PLCE1: variants seen among roughly 807,000 people sequenced by gnomAD.
The protein encoded by PLCE1 is phospholipase C epsilon 1.
Under a neutral mutation model 242.8 loss-of-function variants are expected in PLCE1, and 119 were observed. The ratio of observed to expected loss-of-function variants is 0.49; its 90% confidence interval spans 0.42 to 0.57. The LOEUF is 0.57. Ranked by LOEUF, PLCE1 falls within the 20% of genes least tolerant of loss-of-function variation. The pLI is 0.00. For missense variants in PLCE1, 2,441 were observed against 2,788.8 expected (o/e 0.88, Z 2.81); for synonymous variants, 945 against 1,017.4 (o/e 0.93, Z 1.35).
rs187112223 is a variant in PLCE1 at position 94,031,855 on chromosome 10, G to A, written c.809G>A (p.Cys270Tyr). Residue 270 changes from cysteine (C) to tyrosine (Y), a missense_variant, in exon 2 of 33, where the codon TGT (cysteine) becomes TAT (tyrosine). By Grantham distance (194) the Cys-to-Tyr change is radical. Around this residue, in one of 5 missense-constraint regions of PLCE1, gnomAD observed 393 missense variants for 378.5 expected, o/e 1.04. Transcript: ENST00000371380. Reference protein sequence around the residue: ...NDKYFCFEGSCEKVDMVYSGD... With the variant: ...NDKYFCFEGSYEKVDMVYSGD... The stretch of plus-strand genomic sequence containing the variant: ...AAATACTTTTGCTTTGAAGGCTCTT[G>A]TGAGAAGGTTGACATGGTATATTCA... 3 of 1,613,896 alleles carry A rather than the reference G, an allele frequency of 1.9e-6. No homozygotes were observed. The highest frequency in any genetic ancestry group is 1.7e-5 in the Admixed American group (1 of 59,984).
rs773968163 is a variant in PLCE1 at position 94,324,875 on chromosome 10, G to GTTCT, written c.6721-14_6721-11dup. On this transcript the variant is annotated splice_polypyrimidine_tract_variant and intron_variant, in intron 31 of 32. Coordinates refer to ENST00000371380, the MANE Select transcript of PLCE1 (RefSeq NM_016341.4). ...GAGTTTAACCTAACACCAATGGAAGGTTCTTTGTTCCCACAGGCATCTCGA... is the reference window on the plus strand; with the variant it reads ...GAGTTTAACCTAACACCAATGGAAGGTTCTTTCTTTGTTCCCACAGGCATCTCGA... 2.5e-6 allele frequency: 4 copies of GTTCT among 1,613,044 alleles called. No individual in the cohort carries two copies. The highest frequency in any genetic ancestry group is 1.1e-5 in the South Asian group (1 of 91,050).
intron 5 of PLCE1, among the ~76,000 whole-genome samples, chr10:94,229,142 T>C (rs894032180): frequency 2.6e-5 from 4 of 151,432 alleles, no homozygotes; most frequent in African/African-American, 9.7e-5. Context: ...GATCATGCCA[T>C]TGCGCTCCAG....
intron 2 of PLCE1, among the ~76,000 whole-genome samples, chr10:94,126,636 G>T (rs967219708): frequency 6.6e-6 from 1 of 152,156 alleles, no homozygotes; most frequent in African/African-American, 2.4e-5. Flanking sequence ...TTTCAAAAAA[G>T]ATATTGGCCT....
chr10:94,247,607 G>A (rs1212378117), intron 8 of PLCE1, among the ~76,000 whole-genome samples: 5 of 152,128 alleles, frequency 3.3e-5, no homozygotes, highest in Non-Finnish European at 7.4e-5. Flanking sequence ...GAGGTGAGGG[G>A]TTAATTTCTT....
chr10:94,140,057 T>A (rs1032321734), intron 3 of PLCE1, among the ~76,000 whole-genome samples: 1 of 152,092 alleles, frequency 6.6e-6, no homozygotes, highest in Non-Finnish European at 1.5e-5. Flanking sequence ...TTTCTATTTT[T>A]AAAAATAATA....
chr10:94,160,647 T>G (rs2047581258), intron 3 of PLCE1, among the ~76,000 whole-genome samples: 1 of 152,178 alleles, frequency 6.6e-6, no homozygotes. Context: ...GTCAATTTTG[T>G]CTTTTATTGC....
At chr10:94,196,018 T>C (rs755995270) in intron 4 of PLCE1, among the ~76,000 whole-genome samples, 15 of 152,228 alleles carry the variant, frequency 9.9e-5, no homozygotes, top group Non-Finnish European at 2.9e-5. Context: ...ACATTGTTTA[T>C]ATGATCTACA....
intron 8 of PLCE1, among the ~76,000 whole-genome samples, chr10:94,251,478 A>G (rs1041345119): frequency 4.6e-5 from 7 of 152,236 alleles, no homozygotes; most frequent in African/African-American, 1.7e-4. Flanking sequence ...AACACAGTAC[A>G]TGGAAATTAA....
intron 4 of PLCE1, among the ~76,000 whole-genome samples, chr10:94,193,985 A>G (rs1173880965): frequency 6.6e-6 from 1 of 152,264 alleles, no homozygotes; most frequent in Non-Finnish European, 1.5e-5. Flanking sequence ...TACATTTTAC[A>G]GTGTGATTTC....
At chr10:94,046,904 C>CA (rs2061895975) in intron 2 of PLCE1, among the ~76,000 whole-genome samples, 1 of 152,178 alleles carries the variant, frequency 6.6e-6, no homozygotes, top group Non-Finnish European at 1.5e-5. Context: ...TGTTAACAAA[C>CA]ACGTTACAAA....
chr10:94,220,326 T>G (rs564803194), intron 4 of PLCE1, among the ~76,000 whole-genome samples: 1 of 139,992 alleles, frequency 7.1e-6, no homozygotes, highest in Non-Finnish European at 1.5e-5. Flanking sequence ...CTGGGCAACA[T>G]AGAGAGACTC....
At chr10:94,168,854 T>TC (rs1463683974) in intron 3 of PLCE1, among the ~76,000 whole-genome samples, 1 of 152,176 alleles carries the variant, frequency 6.6e-6, no homozygotes, top group African/African-American at 2.4e-5. Flanking sequence ...ACTGTACATA[T>TC]ATTATCAGTA....
intron 4 of PLCE1, among the ~76,000 whole-genome samples, chr10:94,186,416 A>C (rs1023279480): frequency 4.6e-5 from 7 of 152,230 alleles, no homozygotes; most frequent in Non-Finnish European, 1.0e-4. Context: ...ATAGTATTTT[A>C]TATTTAAGTC....
intron 24 of PLCE1, among the ~76,000 whole-genome samples, chr10:94,302,347 C>G (rs764526237): frequency 1.3e-5 from 2 of 152,126 alleles, no homozygotes; most frequent in African/African-American, 2.4e-5. Context: ...TGTAACAAAC[C>G]TGCACATCCT....
intron 30 of PLCE1, among the ~76,000 whole-genome samples, chr10:94,322,647 T>C (rs2053855888): frequency 6.6e-6 from 1 of 151,902 alleles, no homozygotes; most frequent in Non-Finnish European, 1.5e-5. Flanking sequence ...TAGCTGGGCG[T>C]GGTGGCAGGC....
intron 4 of PLCE1, among the ~76,000 whole-genome samples, chr10:94,204,972 A>T (rs2049111054): frequency 6.6e-6 from 1 of 152,184 alleles, no homozygotes; most frequent in Admixed American, 6.5e-5. Flanking sequence ...AGCTAAAGTA[A>T]TCCAGTTCAG....
Position 94,246,003 on chromosome 10 carries a change from A to G in PLCE1, c.2478A>G (p.Glu826=). ...ATGACATCTTTGAGCAATCCAAAGA[A>G]TACGACTCTCATGGTTCAGAGGACT... ...SDNDIFEQSK[E]YDSHGSEDSQ... is the part of the protein sequence containing the mutation. Residue 826 remains glutamate, a synonymous_variant, in exon 8 of 33, where the codon GAA becomes GAG. Coordinates refer to ENST00000371380, the MANE Select transcript of PLCE1 (RefSeq NM_016341.4). 6.2e-7 allele frequency: 1 copy of G among 1,614,138 alleles called. No individual in the cohort carries two copies. The highest frequency in any genetic ancestry group is 8.5e-7 in the Non-Finnish European group (1 of 1,179,988).
In PLCE1 at chr10:94,255,010, C is replaced by A; in HGVS notation, c.3515C>A (p.Ser1172Tyr). 1 of 1,614,168 alleles carries A rather than the reference C, an allele frequency of 6.2e-7. No individual in the cohort carries two copies. Among genetic ancestry groups the A allele is most frequent in the Non-Finnish European group, 8.5e-7 (1 of 1,180,012 alleles). Residue 1172 changes from serine to tyrosine, a missense_variant, in exon 11 of 33, where the codon TCC becomes TAC. Physicochemically the swap from Ser to Tyr is moderately radical, Grantham distance 144. Around this residue, in one of 5 missense-constraint regions of PLCE1, gnomAD observed 1,004 missense variants for 1,322.7 expected, o/e 0.76. Transcript: ENST00000371380. Reference sequence around the variant, plus strand: ...ACGTCATCTCCCATCAGGCCAGTGTCCTCCCCTGTGCTGTCTTCTTCAAAC... The same window carrying A: ...ACGTCATCTCCCATCAGGCCAGTGTACTCCCCTGTGCTGTCTTCTTCAAAC... Reference protein sequence around the residue: ...AGTSSPIRPVSSPVLSSSNKS... With the variant: ...AGTSSPIRPVYSPVLSSSNKS...
chr10:94,273,486 T>G (rs559254956), intron 18 of PLCE1, 76 bp from the exon 19 acceptor site: 1 of 1,343,736 alleles, frequency 7.4e-7, no homozygotes, highest in East Asian at 2.4e-5. Flanking sequence ...ATATCTACTA[T>G]GTTTATGAAG....
Sources: gnomAD v4.1 joint callset for allele counts (sites outside exome capture counted in the v4.1 genomes callset) on GRCh38, gnomAD v4.1.1 for gene constraint, gnomAD v4.1.1 regional missense constraint, MANE v1.5 for transcripts, NCBI Gene and HGNC (gene_info 2026-07-23, HGNC 2026-07-21) for gene names.